EIF3A: variants seen among roughly 807,000 people sequenced by gnomAD.
The protein encoded by EIF3A is eukaryotic translation initiation factor 3 subunit A.
Under a neutral mutation model 186.6 loss-of-function variants are expected in EIF3A, and 21 were observed. The ratio of observed to expected loss-of-function variants is 0.11; its 90% confidence interval spans 0.08 to 0.16. EIF3A has a LOEUF of 0.16. Among genes scored for constraint, EIF3A ranks in the 10% least tolerant of loss-of-function variants. EIF3A has a pLI of 1.00. For synonymous variants in EIF3A, 563 were observed against 584.3 expected (o/e 0.96, Z 0.52); for missense variants, 1,306 against 1,796.3 (o/e 0.73, Z 4.93).
At chr10:119,036,460 T>C (rs1257345677) in intron 21 of EIF3A, among the ~76,000 whole-genome samples, 192 bp from the exon 22 acceptor site, 1 of 152,134 alleles carries the variant, frequency 6.6e-6, no homozygotes, top group Non-Finnish European at 1.5e-5. Flanking sequence ...ATCTTTAACA[T>C]ACAAATGTAC....
In EIF3A at chr10:119,036,181, G is replaced by T; in HGVS notation, c.4007C>A (p.Ser1336Ter). 6.2e-7 allele frequency: 1 copy of T among 1,613,408 alleles called. No homozygotes were observed. The highest frequency in any genetic ancestry group is 8.5e-7 in the Non-Finnish European group (1 of 1,179,896). Residue 1336 changes from serine to a stop codon, truncating the protein, a stop_gained, in exon 22 of 22, where the codon TCA becomes TAA. Transcript: ENST00000369144. LOFTEE classifies it high-confidence loss of function. Reference sequence around the variant, plus strand: ...GTCTCGGTCTCTTTCTCGGTCTCTTGAAAGAGCTGGGGGAGGAACTCGACG... The same window carrying T: ...GTCTCGGTCTCTTTCTCGGTCTCTTTAAAGAGCTGGGGGAGGAACTCGACG... ...PPRRVPPPAL[S>*]RDRERDRDRE...
intron 19 of EIF3A, among the ~76,000 whole-genome samples, chr10:119,041,492 G>A (rs1279206404): frequency 4.0e-5 from 6 of 151,892 alleles, no homozygotes; most frequent in African/African-American, 1.5e-4. Flanking sequence ...GGCTCCCTAG[G>A]GTCCGGGAGG....
At position 119,037,299 on chromosome 10, in the gene EIF3A, C is replaced by A; in HGVS notation, c.3739G>T (p.Gly1247Cys). Residue 1247 changes from glycine to cysteine, a missense_variant, in exon 21 of 22, where the codon GGC becomes TGC. This residue lies in a region of EIF3A where 331 missense variants were observed against 365.8 expected (regional missense o/e 0.90). Coordinates refer to ENST00000369144, the MANE Select transcript of EIF3A (RefSeq NM_003750.4). ...DRFRRPRDEG[G>C]WRRGPAEESS... is the part of the protein sequence containing the mutation. Reference sequence around the variant, plus strand: ...TCCTCAGCTGGTCCTCTTCTCCAGCCACCTTCATCCCTGTAGCCATTTACA... The same window carrying A: ...TCCTCAGCTGGTCCTCTTCTCCAGCAACCTTCATCCCTGTAGCCATTTACA... 6.2e-7 allele frequency: 1 copy of A among 1,614,072 alleles called. No individual in the cohort carries two copies. The highest frequency in any genetic ancestry group is 8.5e-7 in the Non-Finnish European group (1 of 1,179,972).
rs761257383 is a variant in EIF3A at position 119,060,730 on chromosome 10, AT to A, written c.1326+15del. 14 of 1,575,190 alleles carry A rather than the reference AT, an allele frequency of 8.9e-6. No homozygotes were observed. The highest frequency in any genetic ancestry group is 1.2e-5 in the South Asian group (1 of 84,364). On this transcript the variant is annotated intron_variant, in intron 9 of 21. Coordinates refer to ENST00000369144, the MANE Select transcript of EIF3A (RefSeq NM_003750.4). ...CACATAACATCACAAAACTTTTTTT[AT>A]TTTTTTATTTTTACCTGCTGCAGAA...
chr10:119,071,941 C>T (rs575912621), intron 4 of EIF3A, among the ~76,000 whole-genome samples: 10 of 136,252 alleles, frequency 7.3e-5, no homozygotes, highest in South Asian at 2.4e-4. Context: ...AGAAGAATGG[C>T]GTGAACCTGG....
chr10:119,074,933 AAAAAAAAAG>A (rs1242813578), intron 1 of EIF3A, among the ~76,000 whole-genome samples: 41 of 146,828 alleles, frequency 2.8e-4, no homozygotes, highest in Non-Finnish European at 5.1e-4. Flanking sequence ...AAAAAAAAAA[AAAAAAAAAG>A]GGAAAAAAAT....
chr10:119,072,797 G>A, intron 4 of EIF3A, 93 bp downstream of exon 4: 2 of 1,426,362 alleles, frequency 1.4e-6, no homozygotes, highest in East Asian at 2.3e-5. Flanking sequence ...TTTCAATAAG[G>A]ATAAAAACTA....
In EIF3A at chr10:119,061,427, A is replaced by T. The variant is rs546812274; in HGVS notation, c.1123-99T>A. 7 of 538,838 alleles carry T rather than the reference A, an allele frequency of 1.3e-5. No individual in the cohort carries two copies. The South Asian group carries it at 2.0e-4, about 16-fold the overall frequency. The allele number at this position is 538,838 out of a possible 1,614,324, so 33.4% of individuals were successfully genotyped here. Reference sequence around the variant, plus strand: ...GATAGCATTGGAAATCTGGAAAATGATTTAAAAAATCATCAAGCCTCAACC... The same window carrying T: ...GATAGCATTGGAAATCTGGAAAATGTTTTAAAAAATCATCAAGCCTCAACC... On this transcript the variant is annotated intron_variant, in intron 7 of 21. Transcript: ENST00000369144.
Position 119,038,282 on chromosome 10 carries a change from G to C in EIF3A, c.3684C>G (p.Asp1228Glu), listed in dbSNP as rs1848163230. 22 of 1,613,932 alleles carry C rather than the reference G, an allele frequency of 1.4e-5. No homozygotes were observed. The highest frequency in any genetic ancestry group is 1.9e-5 in the Non-Finnish European group (22 of 1,179,956). The change falls in exon 20 of 22, where the codon GAC becomes GAG. Residue 1228 changes from aspartate to glutamate, a missense_variant. This residue lies in a region of EIF3A where 331 missense variants were observed against 365.8 expected (regional missense o/e 0.90). Coordinates refer to ENST00000369144, the MANE Select transcript of EIF3A (RefSeq NM_003750.4). ...CCTCTCGATCCACATCTCTCTCTCT[G>C]TCCCTTTCTCTCTCAGGGTCCTTGT... ...ENDKDPERERDRERDVDREDR... is the reference protein window; with the variant it reads ...ENDKDPERERERERDVDREDR...
At position 119,079,956 on chromosome 10, in the gene EIF3A, G is replaced by A. The variant is rs138228247; in HGVS notation, c.49+672C>T. Among the ~76,000 whole-genome samples the A allele has an allele frequency of 7.9e-4, 121 of 152,224 alleles. 1 individual carries two copies. Among genetic ancestry groups the A allele is most frequent in the African/African-American group, 2.6e-3 (106 of 41,546 alleles). ...TTCCAGTGATTCGAAACAGGCTTTAGGACTGCTTCTAATCAATGCCAGGAA... is the reference window on the plus strand; with the variant it reads ...TTCCAGTGATTCGAAACAGGCTTTAAGACTGCTTCTAATCAATGCCAGGAA... On this transcript the variant is annotated intron_variant, in intron 1 of 21. Coordinates refer to ENST00000369144, the MANE Select transcript of EIF3A (RefSeq NM_003750.4).
At chr10:119,057,678 G>A (rs1843809666) in intron 12 of EIF3A, among the ~76,000 whole-genome samples, 1 of 152,156 alleles carries the variant, frequency 6.6e-6, no homozygotes, top group Non-Finnish European at 1.5e-5. Context: ...GGGAGGCTGA[G>A]GCAGGAGAAT....
intron 19 of EIF3A, among the ~76,000 whole-genome samples, chr10:119,040,948 G>A (rs1242494655): frequency 6.7e-6 from 1 of 148,920 alleles, no homozygotes; most frequent in Non-Finnish European, 1.5e-5. Flanking sequence ...AGAACTTGCA[G>A]TGAGGGGAGA....
intron 1 of EIF3A, among the ~76,000 whole-genome samples, chr10:119,075,656 A>ATG (rs1321747710): frequency 7.1e-6 from 1 of 141,432 alleles, no homozygotes; most frequent in East Asian, 2.0e-4. Flanking sequence ...ATATACATAT[A>ATG]TATATATATA....
At chr10:119,068,954 CAA>C (rs1314711007) in intron 6 of EIF3A, among the ~76,000 whole-genome samples, 1 of 50,052 alleles carries the variant, frequency 2.0e-5, no homozygotes, top group Non-Finnish European at 3.7e-5. Context: ...GCCTGGGCAA[CAA>C]AAGACTCTGT....
At chr10:119,079,730 AT>A (rs1844232591) in intron 1 of EIF3A, among the ~76,000 whole-genome samples, 1 of 152,180 alleles carries the variant, frequency 6.6e-6, no homozygotes, top group Non-Finnish European at 1.5e-5. Flanking sequence ...TGAAGTACAC[AT>A]ATAGAAATAG....
intron 1 of EIF3A, among the ~76,000 whole-genome samples, chr10:119,075,357 T>C (rs1372730403): frequency 6.6e-6 from 1 of 152,204 alleles, no homozygotes; most frequent in African/African-American, 2.4e-5. Flanking sequence ...TTATGCATAT[T>C]GTTTGTTTTG....
chr10:119,050,600 A>T lies in EIF3A; in HGVS notation c.2394T>A (p.Arg798=), dbSNP rs372062573. Residue 798 remains arginine (R), a synonymous_variant, in exon 16 of 22, where the codon CGT becomes CGA. Coordinates refer to ENST00000369144, the MANE Select transcript of EIF3A (RefSeq NM_003750.4). ...HNRLEERKRQ[R]KEERRITYYR... Reference sequence around the variant, plus strand: ...AGTATGTTATCCTGCGTTCTTCTTTACGCTGCCTTTTCCGTTCTTCCAATC... The same window carrying T: ...AGTATGTTATCCTGCGTTCTTCTTTTCGCTGCCTTTTCCGTTCTTCCAATC... The T allele has an allele frequency of 6.7e-5, 108 of 1,613,854 alleles. No homozygotes were observed. The highest frequency in any genetic ancestry group is 8.9e-5 in the Non-Finnish European group (105 of 1,179,976).
At position 119,051,118 on chromosome 10, in the gene EIF3A, T is replaced by C. The variant is rs1300354290; in HGVS notation, c.2319+81A>G. 1.9e-5 allele frequency: 23 copies of C among 1,240,780 alleles called. No individual in the cohort carries two copies. In the East Asian group the frequency reaches 5.4e-4, roughly 29 times the overall value. The allele number at this position is 1,240,780 out of a possible 1,614,324, so 76.9% of individuals were successfully genotyped here. On this transcript the variant is annotated intron_variant, in intron 15 of 21. Coordinates refer to ENST00000369144, the MANE Select transcript of EIF3A (RefSeq NM_003750.4). ...ACACATAGTAACTCAATAAAGAATA[T>C]ACCAATTTGTTAAGGGAGAACCCTT... is the stretch of plus-strand genomic sequence containing the variant.
At chr10:119,049,026 G>A (rs1315179535) in intron 17 of EIF3A, among the ~76,000 whole-genome samples, 1 of 152,184 alleles carries the variant, frequency 6.6e-6, no homozygotes, top group Non-Finnish European at 1.5e-5. Flanking sequence ...AAACTCAGCA[G>A]TGCTATGGAC....
Sources: allele counts gnomAD v4.1 joint callset (sites outside exome capture counted in the v4.1 genomes callset), GRCh38; gene constraint gnomAD v4.1.1; regional missense constraint gnomAD v4.1.1; transcripts MANE v1.5; gene names NCBI Gene and HGNC (gene_info 2026-07-23, HGNC 2026-07-21).